MUC4: variants seen among roughly 807,000 people sequenced by gnomAD.
MUC4 encodes mucin-4.
In MUC4, 202 loss-of-function variants were observed where a neutral mutation model predicts 257.9. That is an observed-to-expected ratio of 0.78 (90% CI 0.70 to 0.88). The LOEUF is 0.88. Among genes scored for constraint, MUC4 ranks in the 40% least tolerant of loss-of-function variants. The probability of loss-of-function intolerance (pLI) is 0.00; values close to 1 mark genes in which losing one functional copy is unlikely to be tolerated. For synonymous variants in MUC4, 2,351 were observed against 2,757.1 expected (o/e 0.85, Z 4.62); for missense variants, 5,976 against 6,513.7 (o/e 0.92, Z 2.84).
At chr3:195,768,928 G>T in intron 7 of MUC4, 94 bp downstream of exon 7, 1 of 1,475,978 alleles carries the variant, frequency 6.8e-7, no homozygotes, top group African/African-American at 1.4e-5. Flanking sequence ...GAGGGTTCCC[G>T]CCTTGCCCCA....
chr3:195,767,492 T>TCACCATCACCACCACCAC (rs1720894170), intron 7 of MUC4, among the ~76,000 whole-genome samples: 6 of 63,950 alleles, frequency 9.4e-5, no homozygotes, highest in Non-Finnish European at 2.0e-4. Flanking sequence ...ACCACCACCA[T>TCACCATCACCACCACCAC]CACCATCACC....
rs750035619 is a variant in MUC4 at position 195,789,148 on chromosome 3, C to G, written c.2432G>C (p.Ser811Thr). The G allele has an allele frequency of 4.3e-6, 7 of 1,613,750 alleles. No homozygotes were observed. The highest frequency in any genetic ancestry group is 5.9e-6 in the Non-Finnish European group (7 of 1,179,850). ...TTCGCTTCCTGAAGGTGTTGTGCCACTCGCCCCGGATGAGGAAGGGGTAGC... is the reference window on the plus strand; with the variant it reads ...TTCGCTTCCTGAAGGTGTTGTGCCAGTCGCCCCGGATGAGGAAGGGGTAGC... ...GTATPSSSGA[S>T]GTTPSGSEGI... Residue 811 changes from serine (S) to threonine (T), a missense_variant, in exon 2 of 25, where the codon AGT becomes ACT. By Grantham distance (58) the Ser-to-Thr change is moderately conservative. Around this residue, in one of 44 missense-constraint regions of MUC4, gnomAD observed 1,583 missense variants for 1,257.4 expected, o/e 1.26. Transcript: ENST00000463781.
chr3:195,767,757 C>CCAT lies in MUC4; in HGVS notation c.13530-1009_13530-1007dup, dbSNP rs1285699291. Among the ~76,000 whole-genome samples, 6 of 79,946 alleles carry CCAT rather than the reference C, an allele frequency of 7.5e-5. 1 individual carries two copies. The highest frequency in any genetic ancestry group is 3.1e-4 in the African/African-American group (6 of 19,502). 52.4% of individuals were successfully genotyped at this position (79,946 alleles called of 152,430 possible). Reference sequence around the variant, plus strand: ...ACCACCATCACCATCGCCACCACCACCATCACCACCACCACCACCATCACC... The same window carrying CCAT: ...ACCACCATCACCATCGCCACCACCACCATCATCACCACCACCACCACCATCACC... On this transcript the variant is annotated intron_variant, in intron 7 of 24. Transcript: ENST00000463781.
chr3:195,780,979 G>A lies in MUC4; in HGVS notation c.10601C>T (p.Ala3534Val), dbSNP rs1318799299. The change falls in exon 2 of 25, where the codon GCC becomes GTC. Residue 3534 changes from alanine to valine, a missense_variant. Physicochemically the swap from Ala to Val is moderately conservative, Grantham distance 64. Transcript: ENST00000463781. ...TDTSSVSTGHATPLPVTSLSS... is the reference protein window; with the variant it reads ...TDTSSVSTGHVTPLPVTSLSS... Reference sequence around the variant, plus strand: ...AAGGCTGGTGACAGGAAGAGGCGTGGCGTGACCGGTGGATACTGAGGAAGT... The same window carrying A: ...AAGGCTGGTGACAGGAAGAGGCGTGACGTGACCGGTGGATACTGAGGAAGT... 11 of 1,509,938 alleles carry A rather than the reference G, an allele frequency of 7.3e-6. 3 individuals are homozygous for A. In the African/African-American group the frequency reaches 1.5e-4, roughly 21 times the overall value. 93.5% of individuals were successfully genotyped at this position (1,509,938 alleles called of 1,614,324 possible).
Position 195,786,293 on chromosome 3 carries a change from C to A in MUC4, c.5287G>T (p.Val1763Phe), listed in dbSNP as rs758953964. Residue 1763 changes from valine (V) to phenylalanine (F), a missense_variant, in exon 2 of 25, where the codon GTC becomes TTC. By Grantham distance (50) the Val-to-Phe change is conservative. This residue lies in a region of MUC4 where 138 missense variants were observed against 107.8 expected (regional missense o/e 1.28). Transcript: ENST00000463781. ...GTGGATACTGAGGAAGTGTCGGTGA[C>A]AGGAAGAGGGGTGGCCTGACCTGTG... is the stretch of plus-strand genomic sequence containing the variant. ...ASTGQATPLP[V>F]TDTSSVSTAH... 28 of 1,522,560 alleles carry A rather than the reference C, an allele frequency of 1.8e-5. No individual in the cohort carries two copies. The highest frequency in any genetic ancestry group is 2.4e-5 in the Non-Finnish European group (27 of 1,129,066). 94.3% of individuals were successfully genotyped at this position (1,522,560 alleles called of 1,614,324 possible).
chr3:195,804,424 T>G (rs1269422589), intron 1 of MUC4, among the ~76,000 whole-genome samples: 1 of 151,970 alleles, frequency 6.6e-6, no homozygotes, highest in Non-Finnish European at 1.5e-5. Flanking sequence ...GCAGTATGAG[T>G]GACGCTGGCA....
intron 1 of MUC4, among the ~76,000 whole-genome samples, chr3:195,803,527 G>A (rs181387387): frequency 3.7e-4 from 57 of 152,382 alleles, no homozygotes; most frequent in African/African-American, 1.3e-3. Context: ...ACACCAGGGA[G>A]GTGGGGCTTC....
intron 18 of MUC4, 81 bp from the exon 19 acceptor site, chr3:195,754,453 G>A (rs1717112424): frequency 1.3e-6 from 2 of 1,502,676 alleles, no homozygotes; most frequent in East Asian, 4.7e-5. Flanking sequence ...GACCCCTTTG[G>A]CCTGAGAACC....
chr3:195,750,968 A>T lies in MUC4; in HGVS notation c.15792T>A (p.Val5264=). ...TCCTGGGCTCCTCACTCCTCCGTGG[A>T]ACGTGGTATAAGAACGCCTCCACCA... The part of the protein sequence containing the change: ...AAVVEAFLYH[V]PRRSEEPRND... The change falls in exon 23 of 25, where the codon GTT becomes GTA. Residue 5264 remains valine, a synonymous_variant. Coordinates refer to ENST00000463781, the MANE Select transcript of MUC4 (RefSeq NM_018406.7). The T allele has an allele frequency of 1.9e-6, 3 of 1,613,964 alleles. No individual in the cohort carries two copies. The highest frequency in any genetic ancestry group is 2.5e-6 in the Non-Finnish European group (3 of 1,179,996).
At position 195,787,165 on chromosome 3, in the gene MUC4, G is replaced by GTGGTGGC; in HGVS notation, c.4414_4415insGCCACCA (p.Ser1472CysfsTer16). ...TGAGGAAGTGTCGGTGACAAGAAGA[G>GTGGTGGC]AGGTGGCCTGACCTGTGGATGCTGA... On this transcript the variant is annotated frameshift_variant, in exon 2 of 25. Transcript: ENST00000463781. LOFTEE classifies it high-confidence loss of function. 1 of 999,796 alleles carries GTGGTGGC rather than the reference G, an allele frequency of 1.0e-6. No homozygotes were observed. Among genetic ancestry groups the GTGGTGGC allele is most frequent in the Non-Finnish European group, 1.4e-6 (1 of 721,664 alleles). The allele number at this position is 999,796 out of a possible 1,614,324, so 61.9% of individuals were successfully genotyped here.
At position 195,748,911 on chromosome 3, in the gene MUC4, G is replaced by A. The variant is rs780860296; in HGVS notation, c.16025C>T (p.Pro5342Leu). 2.1e-5 allele frequency: 33 copies of A among 1,580,244 alleles called. No individual in the cohort carries two copies. The highest frequency in any genetic ancestry group is 2.7e-5 in the Non-Finnish European group (31 of 1,164,138). ...CCACAGCCCTATGCACCTGCAGCGG[G>A]GCCCACTGGGCAGGTGCTGGCACTG... is the stretch of plus-strand genomic sequence containing the variant. ...GGQCQHLPSG[P>L]RCSCVSFSIY... The change falls in exon 24 of 25, where the codon CCC becomes CTC. Residue 5342 changes from proline to leucine, a missense_variant. Physicochemically the swap from Pro to Leu is moderately conservative, Grantham distance 98. Around this residue, in one of 44 missense-constraint regions of MUC4, gnomAD observed 310 missense variants for 242.1 expected, o/e 1.28. Coordinates refer to ENST00000463781, the MANE Select transcript of MUC4 (RefSeq NM_018406.7).
intron 13 of MUC4, among the ~76,000 whole-genome samples, chr3:195,762,476 C>T (rs1023829460): frequency 2.6e-5 from 4 of 151,506 alleles, no homozygotes; most frequent in Admixed American, 6.6e-5. Flanking sequence ...GGCCCTGCAC[C>T]GCCACGCACC....
rs755417375 is a variant in MUC4 at position 195,789,559 on chromosome 3, C to G, written c.2021G>C (p.Ser674Thr). 3.1e-6 allele frequency: 5 copies of G among 1,613,790 alleles called. No individual in the cohort carries two copies. The highest frequency in any genetic ancestry group is 4.2e-6 in the Non-Finnish European group (5 of 1,179,838). ...AACAATTTCTGAGGGCGAGTGCCCA[C>G]TGGCTGTGAAGGAAGAACCTGGGGT... ...VTTPGSSFTA[S>T]GHSPSEIVPQ... The change falls in exon 2 of 25, where the codon AGT becomes ACT. Residue 674 changes from serine to threonine, a missense_variant. Physicochemically the swap from Ser to Thr is moderately conservative, Grantham distance 58. Coordinates refer to ENST00000463781, the MANE Select transcript of MUC4 (RefSeq NM_018406.7).
chr3:195,794,747 C>T (rs545297986), intron 1 of MUC4, among the ~76,000 whole-genome samples: 3 of 152,278 alleles, frequency 2.0e-5, no homozygotes, highest in South Asian at 4.2e-4. Context: ...GCTTCAAGTC[C>T]ACTTTCTGGA....
At chr3:195,754,425 T>A in intron 18 of MUC4, 53 bp from the exon 19 acceptor site, 1 of 1,554,622 alleles carries the variant, frequency 6.4e-7, no homozygotes, top group East Asian at 2.3e-5. Context: ...TGGGAAGGGC[T>A]TCTGGGTGTT....
At chr3:195,765,212 AG>A in intron 9 of MUC4, 57 bp downstream of exon 9, 1 of 1,554,084 alleles carries the variant, frequency 6.4e-7, no homozygotes. Context: ...GGAGAGGCTG[AG>A]GGCGTGAGCA....
rs371190774 is a variant in MUC4, at chr3:195,748,988, G to C, written c.15948C>G (p.Ser5316Arg). The C allele has an allele frequency of 6.2e-7, 1 of 1,609,622 alleles. No homozygotes were observed. Among genetic ancestry groups the C allele is most frequent in the East Asian group, 2.2e-5 (1 of 44,732 alleles). The change falls in exon 24 of 25, where the codon AGC becomes AGG. Residue 5316 changes from serine (S) to arginine (R), a missense_variant. Transcript: ENST00000463781. The stretch of plus-strand genomic sequence containing the variant: ...TGCACGGGGACACGCAGGTGAAGCC[G>C]CTCTGGGGGCTGTAGACCAGGTCGT... ...KGYDLVYSPQ[S>R]GFTCVSPCSR... is the part of the protein sequence containing the mutation.
chr3:195,771,955 G>A (rs935452878), intron 4 of MUC4, 139 bp from the exon 5 acceptor site: 4 of 913,106 alleles, frequency 4.4e-6, no homozygotes, highest in Non-Finnish European at 6.6e-6. Context: ...GTCACCTCCT[G>A]TGTCCTGTTT....
At chr3:195,777,501 C>T (rs1725121777) in intron 3 of MUC4, among the ~76,000 whole-genome samples, 2 of 129,988 alleles carry the variant, frequency 1.5e-5, no homozygotes, top group African/African-American at 7.1e-5. Context: ...ACACCCATAC[C>T]TTCCACAGTC....
Sources: allele counts gnomAD v4.1 joint callset (sites outside exome capture counted in the v4.1 genomes callset), GRCh38; gene constraint gnomAD v4.1.1; regional missense constraint gnomAD v4.1.1; transcripts MANE v1.5; gene names NCBI Gene and HGNC (gene_info 2026-07-23, HGNC 2026-07-21).